TMEM114: variants seen among roughly 807,000 people sequenced by gnomAD.
TMEM114 encodes the protein claudin-26.
A neutral mutation model predicts 6.2 loss-of-function variants in TMEM114; 6 were observed. The ratio of observed to expected loss-of-function variants is 0.97; its 90% CI spans 0.53 to 1.91. TMEM114 has a LOEUF of 1.91. Among genes scored for constraint, TMEM114 ranks in the 40% most tolerant of loss-of-function variants. The pLI is 0.01. For synonymous variants in TMEM114, 104 were observed against 73.0 expected (o/e 1.42, Z -2.16); for missense variants, 218 against 158.3 (o/e 1.38, Z -2.02).
chr16:8,584,408 C>T (rs150093604), intron 2 of TMEM114, among the ~76,000 whole-genome samples: 276 of 152,270 alleles, frequency 1.8e-3, no homozygotes, highest in South Asian at 4.8e-3. Flanking sequence ...AGAAACAAAC[C>T]CACGACTTCC....
intron 2 of TMEM114, among the ~76,000 whole-genome samples, chr16:8,556,485 C>G (rs1256607443): frequency 3.9e-5 from 6 of 152,072 alleles, no homozygotes; most frequent in South Asian, 2.1e-4. Flanking sequence ...GTTGTGTGCA[C>G]TTTATTTGTC....
At chr16:8,553,597 T>C (rs1388863879) in intron 2 of TMEM114, among the ~76,000 whole-genome samples, 1 of 152,168 alleles carries the variant, frequency 6.6e-6, no homozygotes, top group Non-Finnish European at 1.5e-5. Context: ...GCCATTCTCC[T>C]GCCTCAGCCT....
intron 2 of TMEM114, among the ~76,000 whole-genome samples, chr16:8,573,469 G>A (rs983891957): frequency 6.6e-6 from 1 of 152,128 alleles, no homozygotes; most frequent in African/African-American, 2.4e-5. Context: ...CATGATGAGG[G>A]GTGAATGGAG....
At chr16:8,544,621 T>C (rs1900606203) in intron 2 of TMEM114, among the ~76,000 whole-genome samples, 1 of 152,248 alleles carries the variant, frequency 6.6e-6, no homozygotes, top group Admixed American at 6.5e-5. Context: ...CTGATAAGTT[T>C]AGACTTTACC....
intron 2 of TMEM114, among the ~76,000 whole-genome samples, chr16:8,557,130 A>G (rs967942287): frequency 3.3e-5 from 5 of 152,166 alleles, no homozygotes; most frequent in Non-Finnish European, 7.3e-5. Flanking sequence ...TGCCCTTGTT[A>G]GAATATGACC....
intron 2 of TMEM114, among the ~76,000 whole-genome samples, chr16:8,557,161 G>T (rs1038686787): frequency 6.6e-6 from 1 of 152,162 alleles, no homozygotes; most frequent in Non-Finnish European, 1.5e-5. Context: ...TCCCAGGGAG[G>T]TTGAGGTCTA....
intron 2 of TMEM114, among the ~76,000 whole-genome samples, chr16:8,546,051 G>A (rs1900656160): frequency 1.3e-5 from 2 of 152,166 alleles, no homozygotes; most frequent in South Asian, 2.1e-4. Flanking sequence ...GAAGATGGAA[G>A]CTATAGTGAG....
At chr16:8,544,998 G>A (rs1032319566) in intron 2 of TMEM114, among the ~76,000 whole-genome samples, 2 of 151,748 alleles carry the variant, frequency 1.3e-5, no homozygotes, top group Admixed American at 1.3e-4. Flanking sequence ...TTGAAATGCA[G>A]TTTCCACAGT....
chr16:8,579,601 C>T (rs1202004005), intron 2 of TMEM114, among the ~76,000 whole-genome samples: 3 of 152,072 alleles, frequency 2.0e-5, no homozygotes, highest in Admixed American at 6.5e-5. Context: ...CGCCTCTTAC[C>T]CAAGCAAACC....
At chr16:8,565,711 A>G (rs118090610), downstream of TMEM114, among the ~76,000 whole-genome samples, 24 of 152,266 alleles carry the variant, frequency 1.6e-4, 1 homozygote, top group East Asian at 4.2e-3. Flanking sequence ...CGTTCACACA[A>G]CAGACCTAAG....
At chr16:8,564,577 G>T (rs1901454126), downstream of TMEM114, among the ~76,000 whole-genome samples, 1 of 147,842 alleles carries the variant, frequency 6.8e-6, no homozygotes, top group Non-Finnish European at 1.5e-5. Context: ...GAATGAGTGA[G>T]TGAGTAAATG....
At position 8,576,771 on chromosome 16, in the gene TMEM114, T is replaced by C. The variant is rs117181408; in HGVS notation, c.302-4547A>G. Among the ~76,000 whole-genome samples, 271 of 147,248 alleles carry C rather than the reference T, an allele frequency of 1.8e-3. 1 individual carries two copies. The highest frequency in any genetic ancestry group is 6.5e-3 in the African/African-American group (256 of 39,204). On this transcript the variant is annotated intron_variant, in intron 2 of 3. Coordinates refer to ENST00000620492, the MANE Select transcript of TMEM114 (RefSeq NM_001146336.2). ...GGAAGGAAGGAAGGAAGGAAGGAAA[T>C]TGAGCATTTACTGAGCATCTAATAG...
At chr16:8,543,780 C>A (rs1213381310) in intron 2 of TMEM114, among the ~76,000 whole-genome samples, 1 of 152,170 alleles carries the variant, frequency 6.6e-6, no homozygotes, top group African/African-American at 2.4e-5. Context: ...AGCCCAAATT[C>A]CACACAATGT....
chr16:8,538,562 C>T (rs1399948680), intron 2 of TMEM114, among the ~76,000 whole-genome samples: 2 of 151,900 alleles, frequency 1.3e-5, no homozygotes, highest in South Asian at 2.1e-4. Context: ...GGCTGGAGTG[C>T]AGTGGTGCGA....
At chr16:8,535,914 A>C (rs1393436419), downstream of TMEM114, among the ~76,000 whole-genome samples, 3 of 152,182 alleles carry the variant, frequency 2.0e-5, no homozygotes, top group Non-Finnish European at 4.4e-5. Context: ...GTCAAAATGA[A>C]AGATAAAAGC....
chr16:8,583,364 GCA>G (rs1280322112), intron 2 of TMEM114, among the ~76,000 whole-genome samples: 1 of 152,206 alleles, frequency 6.6e-6, no homozygotes, highest in Non-Finnish European at 1.5e-5. Context: ...CTCCTACTGT[GCA>G]CAGAGTCCAG....
chr16:8,567,349 C>T (rs1901580074), downstream of TMEM114, among the ~76,000 whole-genome samples: 1 of 152,148 alleles, frequency 6.6e-6, no homozygotes, highest in South Asian at 2.1e-4. Context: ...ATGAATGTGT[C>T]CCCAGGCCCT....
chr16:8,562,424 A>G (rs62645652), intron 2 of TMEM114, among the ~76,000 whole-genome samples: 52 of 111,782 alleles, frequency 4.7e-4, no homozygotes, highest in South Asian at 1.4e-3. Context: ...GAGTGAGTGA[A>G]TAAGTGAGTG....
the TMEM114 span, among the ~76,000 whole-genome samples, chr16:8,528,290 A>C: frequency 1.3e-4 from 20 of 152,140 alleles, no homozygotes; most frequent in Admixed American, 3.9e-4. Flanking sequence ...TTTTGAAGGA[A>C]TTCATAAGTT....
Sources: allele counts gnomAD v4.1 joint callset (sites outside exome capture counted in the v4.1 genomes callset), GRCh38; gene constraint gnomAD v4.1.1; transcripts MANE v1.5; gene names NCBI Gene and HGNC (gene_info 2026-07-23, HGNC 2026-07-21).